SLIT3: variants seen among roughly 807,000 people sequenced by gnomAD.
SLIT3 encodes the protein slit guidance ligand 3.
SLIT3 carries 68 observed loss-of-function variants against 184.0 expected under a neutral mutation model. The ratio of observed to expected loss-of-function variants is 0.37; its 90% confidence interval spans 0.30 to 0.45. The LOEUF is 0.45. SLIT3 is among the 20% of genes least tolerant of loss of function. SLIT3 has a pLI of 1.00. For missense variants in SLIT3, 1,707 were observed against 2,026.0 expected (o/e 0.84, Z 3.02); for synonymous variants, 831 against 828.6 (o/e 1.00, Z -0.05).
rs533942258 is a variant in SLIT3, at chr5:168,887,424, G to T, written c.414-4088C>A. On this transcript the variant is annotated intron_variant, in intron 4 of 35. Coordinates refer to ENST00000519560, the MANE Select transcript of SLIT3 (RefSeq NM_003062.4). ...ATTTCTTGTTTCTGAAGTGGGTGGG[G>T]CTAATTATGAGCTGTATGATCATTC... Among the ~76,000 whole-genome samples the T allele has an allele frequency of 1.8e-3, 272 of 152,264 alleles. 1 individual carries two copies. The highest frequency in any genetic ancestry group is 6.3e-3 in the African/African-American group (262 of 41,540).
intron 1 of SLIT3, among the ~76,000 whole-genome samples, chr5:169,280,192 C>G (rs1766950441): frequency 6.6e-6 from 1 of 152,208 alleles, no homozygotes; most frequent in African/African-American, 2.4e-5. Flanking sequence ...GTTGGACCAG[C>G]TGACTTTATG....
At chr5:169,125,989 T>G (rs1761065111) in intron 4 of SLIT3, among the ~76,000 whole-genome samples, 1 of 152,076 alleles carries the variant, frequency 6.6e-6, no homozygotes, top group Admixed American at 6.6e-5. Context: ...CTCAGGAACT[T>G]CATTTTGCAA....
chr5:169,301,043 G>T lies in SLIT3; in HGVS notation c.-334C>A. ...AGCGCAATGGGGCGTGGCGCCCGGG[G>T]AGGTCCGGCTTGGGGCTGGGCTGGG... On this transcript the variant is annotated 5_prime_UTR_variant, in exon 1 of 36. Transcript: ENST00000519560. The T allele has an allele frequency of 6.5e-6, 1 of 154,658 alleles. No homozygotes were observed. The highest frequency in any genetic ancestry group is 1.9e-4 in the South Asian group (1 of 5,402). The allele number at this position is 154,658 out of a possible 1,614,324, so 9.6% of individuals were successfully genotyped here.
intron 4 of SLIT3, among the ~76,000 whole-genome samples, chr5:169,135,813 C>T (rs1761481485): frequency 6.6e-6 from 1 of 152,206 alleles, no homozygotes; most frequent in Non-Finnish European, 1.5e-5. Flanking sequence ...AACCCCTTCA[C>T]CACCAATGGC....
chr5:169,060,436 T>C (rs998168202), intron 4 of SLIT3, among the ~76,000 whole-genome samples: 18 of 152,072 alleles, frequency 1.2e-4, no homozygotes, highest in Admixed American at 1.1e-3. Flanking sequence ...GAGAAATAAA[T>C]TTTGTTGCTT....
At position 169,131,963 on chromosome 5, in the gene SLIT3, C is replaced by G. The variant is rs536845621; in HGVS notation, c.413+61516G>C. On this transcript the variant is annotated intron_variant, in intron 4 of 35. Transcript: ENST00000519560. Reference sequence around the variant, plus strand: ...CTGTCTTGCAAACCTAAAGATGAAGCCACATGGTAAAGATGGTAGCCCAGG... The same window carrying G: ...CTGTCTTGCAAACCTAAAGATGAAGGCACATGGTAAAGATGGTAGCCCAGG... 3.3e-5 allele frequency among the ~76,000 whole-genome samples: 5 copies of G among 152,302 alleles called. No homozygotes were observed. The South Asian group carries it at 1.0e-3, about 32-fold the overall frequency.
intron 32 of SLIT3, among the ~76,000 whole-genome samples, chr5:168,675,136 A>T (rs1421323292): frequency 6.6e-6 from 1 of 152,102 alleles, no homozygotes; most frequent in African/African-American, 2.4e-5. Flanking sequence ...GAGTTGGGGA[A>T]TGTGACACCT....
chr5:169,188,144 A>T (rs1172760885), intron 4 of SLIT3, among the ~76,000 whole-genome samples: 1 of 152,174 alleles, frequency 6.6e-6, no homozygotes, highest in Non-Finnish European at 1.5e-5. Context: ...TTTTTGGTAG[A>T]GGTGGGGTTT....
intron 4 of SLIT3, among the ~76,000 whole-genome samples, chr5:168,940,764 G>A (rs1359793538): frequency 2.0e-5 from 3 of 152,170 alleles, no homozygotes; most frequent in Admixed American, 6.5e-5. Flanking sequence ...AAAGCTGCCA[G>A]TGTTGTCATG....
intron 3 of SLIT3, among the ~76,000 whole-genome samples, chr5:169,228,643 A>G (rs1052940432): frequency 9.2e-5 from 14 of 152,168 alleles, no homozygotes; most frequent in African/African-American, 3.4e-4. Flanking sequence ...GCGCCTCTAA[A>G]ACGAAATAGA....
chr5:169,208,025 T>A (rs1016830943), intron 3 of SLIT3, among the ~76,000 whole-genome samples: 15 of 152,126 alleles, frequency 9.9e-5, no homozygotes, highest in African/African-American at 3.6e-4. Flanking sequence ...TACACAATTC[T>A]TATGTCAAAT....
chr5:168,904,656 C>T lies in SLIT3; in HGVS notation c.414-21320G>A, dbSNP rs181033194. ...ATTCCAGCTCTGGGGACAAGAATGACGTCAGGAAGGTGAACTGCTATGGAG... is the reference window on the plus strand; with the variant it reads ...ATTCCAGCTCTGGGGACAAGAATGATGTCAGGAAGGTGAACTGCTATGGAG... On this transcript the variant is annotated intron_variant, in intron 4 of 35. Coordinates refer to ENST00000519560, the MANE Select transcript of SLIT3 (RefSeq NM_003062.4). Among the ~76,000 whole-genome samples the T allele has an allele frequency of 2.3e-3, 347 of 152,182 alleles. 1 individual carries two copies. The highest frequency in any genetic ancestry group is 3.4e-3 in the Non-Finnish European group (234 of 68,016).
At chr5:168,836,336 T>G (rs1758053743) in intron 6 of SLIT3, among the ~76,000 whole-genome samples, 1 of 152,128 alleles carries the variant, frequency 6.6e-6, no homozygotes, top group South Asian at 2.1e-4. Flanking sequence ...TCACTAAACA[T>G]TCTCAAATAC....
chr5:168,846,204 C>T (rs1758459181), intron 5 of SLIT3, among the ~76,000 whole-genome samples: 1 of 152,126 alleles, frequency 6.6e-6, no homozygotes, highest in African/African-American at 2.4e-5. Flanking sequence ...AATAGATGCT[C>T]ATGATAGAAG....
At chr5:169,164,884 C>T (rs1273506656) in intron 4 of SLIT3, among the ~76,000 whole-genome samples, 2 of 152,236 alleles carry the variant, frequency 1.3e-5, no homozygotes, top group Non-Finnish European at 2.9e-5. Context: ...TGGGGGCAGG[C>T]TCACTGCGTG....
chr5:168,864,102 G>A (rs1038694123), intron 5 of SLIT3, among the ~76,000 whole-genome samples: 1 of 151,596 alleles, frequency 6.6e-6, no homozygotes, highest in African/African-American at 2.4e-5. Flanking sequence ...CCCAGCTACT[G>A]CAGGGGCTGA....
At chr5:169,036,858 A>G (rs1226550774) in intron 4 of SLIT3, among the ~76,000 whole-genome samples, 4 of 152,216 alleles carry the variant, frequency 2.6e-5, no homozygotes, top group Non-Finnish European at 5.9e-5. Context: ...TTCCGGGACC[A>G]GAGAGCAAAG....
intron 3 of SLIT3, among the ~76,000 whole-genome samples, chr5:169,224,605 T>C (rs1465382209): frequency 6.6e-6 from 1 of 152,148 alleles, no homozygotes; most frequent in African/African-American, 2.4e-5. Context: ...TGAGCTCAAG[T>C]GATCTTCCCA....
chr5:169,084,454 ATTTTTTTTT>A (rs56062027), intron 4 of SLIT3, among the ~76,000 whole-genome samples: 34 of 101,408 alleles, frequency 3.4e-4, no homozygotes, highest in South Asian at 2.0e-3. Context: ...CCATGCCCAG[ATTTTTTTTT>A]TTTTTTTTTT....
Sources: allele counts gnomAD v4.1 joint callset (sites outside exome capture counted in the v4.1 genomes callset), GRCh38; gene constraint gnomAD v4.1.1; transcripts MANE v1.5; gene names NCBI Gene and HGNC (gene_info 2026-07-23, HGNC 2026-07-21).